The following GLIS3 variants were observed in gnomAD, a reference collection of about 807,000 sequenced individuals.
GLIS3 encodes zinc finger protein GLIS3.
GLIS3 carries 53 observed loss-of-function variants against 78.6 expected under a neutral mutation model. The observed-to-expected ratio is 0.67, with a 90% CI of 0.54 to 0.85. The LOEUF is 0.85. GLIS3 is among the 40% of genes least tolerant of loss of function. The pLI is 0.00. For missense variants in GLIS3, 1,703 were observed against 1,231.1 expected (o/e 1.38, Z -5.74); for synonymous variants, 684 against 509.9 (o/e 1.34, Z -4.60).
At chr9:4,150,609 A>T (rs1834602601) in intron 2 of GLIS3, among the ~76,000 whole-genome samples, 1 of 152,222 alleles carries the variant, frequency 6.6e-6, no homozygotes. Context: ...ATCTTAAAAG[A>T]CTATCTTTAA....
intron 2 of GLIS3, among the ~76,000 whole-genome samples, chr9:4,176,357 C>G (rs1161974141): frequency 6.6e-6 from 1 of 152,184 alleles, no homozygotes; most frequent in Non-Finnish European, 1.5e-5. Context: ...TCTGTCCTCT[C>G]CACCTATACA....
intron 2 of GLIS3, among the ~76,000 whole-genome samples, chr9:4,279,227 G>A (rs1186322001): frequency 6.8e-6 from 1 of 147,798 alleles, no homozygotes; most frequent in Non-Finnish European, 1.5e-5. Context: ...GAACCCAGGA[G>A]GCAGAGGTTG....
the GLIS3 span, among the ~76,000 whole-genome samples, chr9:4,384,789 T>A: frequency 6.6e-6 from 1 of 152,054 alleles, no homozygotes; most frequent in Non-Finnish European, 1.5e-5. Context: ...CGCTCCCATG[T>A]CTCCCACTCC....
At chr9:4,403,301 A>T in the GLIS3 span, among the ~76,000 whole-genome samples, 4 of 152,196 alleles carry the variant, frequency 2.6e-5, no homozygotes, top group African/African-American at 9.7e-5. Flanking sequence ...CTCCTACACA[A>T]AATGCTAAAG....
At chr9:4,239,368 C>G (rs1463033700) in intron 2 of GLIS3, among the ~76,000 whole-genome samples, 1 of 146,572 alleles carries the variant, frequency 6.8e-6, no homozygotes, top group East Asian at 2.0e-4. Flanking sequence ...ACGTTCACGA[C>G]TTTTTTTTTT....
At chr9:4,077,786 A>T (rs1828206917) in intron 4 of GLIS3, among the ~76,000 whole-genome samples, 1 of 152,174 alleles carries the variant, frequency 6.6e-6, no homozygotes, top group South Asian at 2.1e-4. Context: ...TGGCAGCAGC[A>T]GTGGATTCCA....
At chr9:4,467,286 G>C in the GLIS3 span, among the ~76,000 whole-genome samples, 1 of 152,170 alleles carries the variant, frequency 6.6e-6, no homozygotes, top group Non-Finnish European at 1.5e-5. Flanking sequence ...GAGAGTGGTG[G>C]TTCTCCCAGC....
At chr9:4,336,521 C>G (rs923048452) in intron 2 of GLIS3, among the ~76,000 whole-genome samples, 7 of 151,762 alleles carry the variant, frequency 4.6e-5, no homozygotes, top group Non-Finnish European at 7.4e-5. Context: ...CACCCTTTCT[C>G]TTGGCATCCT....
intron 2 of GLIS3, among the ~76,000 whole-genome samples, chr9:4,170,100 C>G (rs1816244439): frequency 1.3e-5 from 2 of 152,158 alleles, no homozygotes; most frequent in Admixed American, 1.3e-4. Context: ...AATAACAACA[C>G]TAGTACACAT....
intron 2 of GLIS3, among the ~76,000 whole-genome samples, chr9:4,225,649 T>C (rs1259538618): frequency 2.0e-5 from 3 of 152,182 alleles, no homozygotes; most frequent in Admixed American, 6.5e-5. Context: ...TTCTTAATGA[T>C]GAGCTCACGG....
chr9:4,400,747 T>C, the GLIS3 span, among the ~76,000 whole-genome samples: 1 of 152,180 alleles, frequency 6.6e-6, no homozygotes, highest in African/African-American at 2.4e-5. Flanking sequence ...GATAGGGCTC[T>C]GGGCAGAGTC....
At chr9:4,280,447 C>T (rs1827442263) in intron 2 of GLIS3, among the ~76,000 whole-genome samples, 1 of 152,156 alleles carries the variant, frequency 6.6e-6, no homozygotes, top group South Asian at 2.1e-4. Flanking sequence ...TTGGAGGTCA[C>T]AATGTCTGCA....
intron 2 of GLIS3, among the ~76,000 whole-genome samples, chr9:4,279,404 C>T (rs1289246192): frequency 7.2e-6 from 1 of 138,470 alleles, no homozygotes; most frequent in East Asian, 2.1e-4. Flanking sequence ...TATATATCAG[C>T]GTTTTTTTTA....
At chr9:4,421,653 T>G in the GLIS3 span, among the ~76,000 whole-genome samples, 1 of 152,238 alleles carries the variant, frequency 6.6e-6, no homozygotes, top group Non-Finnish European at 1.5e-5. Flanking sequence ...TATTACTGCA[T>G]AGCTCACTGC....
At chr9:4,364,505 G>A in the GLIS3 span, among the ~76,000 whole-genome samples, 1 of 152,038 alleles carries the variant, frequency 6.6e-6, no homozygotes, top group Non-Finnish European at 1.5e-5. Context: ...TGTAAATGAT[G>A]CTCACAATAT....
intron 2 of GLIS3, among the ~76,000 whole-genome samples, chr9:4,319,769 T>C (rs1035019702): frequency 1.3e-5 from 2 of 152,128 alleles, no homozygotes; most frequent in Non-Finnish European, 2.9e-5. Context: ...CCTCAAGCTA[T>C]CCTCCCACCT....
chr9:4,404,253 G>C, the GLIS3 span, among the ~76,000 whole-genome samples: 1 of 152,088 alleles, frequency 6.6e-6, no homozygotes, highest in African/African-American at 2.4e-5. Context: ...GAGAGAAATA[G>C]GCCCAAATAC....
At chr9:4,393,439 C>G in the GLIS3 span, among the ~76,000 whole-genome samples, 2 of 152,182 alleles carry the variant, frequency 1.3e-5, no homozygotes, top group Admixed American at 6.6e-5. Flanking sequence ...CACACAGTAT[C>G]ATTAGCTAAT....
At chr9:3,925,760 C>T (rs1445049709) in intron 6 of GLIS3, among the ~76,000 whole-genome samples, 3 of 152,206 alleles carry the variant, frequency 2.0e-5, no homozygotes, top group South Asian at 2.1e-4. Flanking sequence ...CTTAAAAGTA[C>T]ATAAGCTCAC....
Sources: allele counts gnomAD v4.1 joint callset (sites outside exome capture counted in the v4.1 genomes callset), GRCh38; gene constraint gnomAD v4.1.1; transcripts MANE v1.5; gene names NCBI Gene and HGNC (gene_info 2026-07-23, HGNC 2026-07-21).